Variants in MDN1 observed in about 807,000 individuals in gnomAD.
MDN1 encodes the protein midasin AAA ATPase 1, also known as midasin.
MDN1 carries 266 observed loss-of-function variants against 669.2 expected under a neutral mutation model. The ratio of observed to expected loss-of-function variants is 0.40; its 90% CI spans 0.36 to 0.44. The LOEUF is 0.44. Ranked by LOEUF, MDN1 falls within the 20% of genes least tolerant of loss-of-function variation. The pLI is 1.00. For missense variants in MDN1, 5,940 were observed against 6,754.0 expected, an observed-to-expected ratio of 0.88 and a Z score of 4.22; for synonymous variants, 2,385 against 2,457.1, an observed-to-expected ratio of 0.97 and a Z score of 0.87.
At position 89,743,578 on chromosome 6, in the gene MDN1, T is replaced by C. The variant is rs1816408396; in HGVS notation, c.4315A>G (p.Lys1439Glu). 1 of 1,613,526 alleles carries C rather than the reference T, an allele frequency of 6.2e-7. No individual in the cohort carries two copies. Among genetic ancestry groups the C allele is most frequent in the Non-Finnish European group, 8.5e-7 (1 of 1,179,766 alleles). Residue 1439 changes from lysine (K) to glutamate (E), a missense_variant and splice_region_variant, in exon 30 of 102, where the codon AAG (lysine) becomes GAG (glutamate). Lys to Glu is a moderately conservative substitution (Grantham distance 56). Coordinates refer to ENST00000369393, the MANE Select transcript of MDN1 (RefSeq NM_014611.3). ...LRPVRQKPND[K>E]EEIDTSRLFE... ...GGAACACTTGCTGCTGGACAAACCT[T>C]GTCGTTTGGCTTTTGTCTCACTGGC...
chr6:89,718,233 G>T, intron 43 of MDN1, 133 bp downstream of exon 43: 1 of 1,044,190 alleles, frequency 9.6e-7, no homozygotes, highest in Non-Finnish European at 1.4e-6. Flanking sequence ...TACTTTCTAG[G>T]TCAAACTTTC....
intron 61 of MDN1, among the ~76,000 whole-genome samples, chr6:89,694,431 C>G (rs1325398373): frequency 6.6e-6 from 1 of 152,242 alleles, no homozygotes; most frequent in African/African-American, 2.4e-5. Flanking sequence ...TTCACTCCAA[C>G]TAATATAATT....
rs934215839 is a variant in MDN1 at position 89,753,541 on chromosome 6, G to A, written c.3046C>T (p.Pro1016Ser). 34 of 1,612,422 alleles carry A rather than the reference G, an allele frequency of 2.1e-5. No individual in the cohort carries two copies. The highest frequency in any genetic ancestry group is 2.6e-5 in the Non-Finnish European group (31 of 1,178,658). Residue 1016 changes from proline to serine, a missense_variant, in exon 22 of 102, where the codon CCT (proline) becomes TCT (serine). Around this residue, in one of 5 missense-constraint regions of MDN1, gnomAD observed 1,203 missense variants for 1,268.9 expected, o/e 0.95. Transcript: ENST00000369393. Reference sequence around the variant, plus strand: ...TTCAGCAGACTCTTGACATTGCCAGGGACAATGTGTTGACAGATGAGCTTC... The same window carrying A: ...TTCAGCAGACTCTTGACATTGCCAGAGACAATGTGTTGACAGATGAGCTTC... ...VQKLICQHIV[P>S]GNVKSLLKQP...
chr6:89,654,118 T>G (rs757182387), intron 93 of MDN1, 46 bp downstream of exon 93: 10 of 1,605,320 alleles, frequency 6.2e-6, no homozygotes, highest in Non-Finnish European at 7.7e-6. Context: ...ACTGACTACT[T>G]CAAGTCAGAG....
intron 51 of MDN1, among the ~76,000 whole-genome samples, chr6:89,707,678 G>C (rs1447943369): frequency 6.6e-6 from 1 of 152,184 alleles, no homozygotes; most frequent in Non-Finnish European, 1.5e-5. Context: ...GATGGAGAAA[G>C]CTGGGTCTAG....
intron 77 of MDN1, 130 bp from the exon 78 acceptor site, chr6:89,675,709 T>G (rs2128304986): frequency 1.4e-6 from 1 of 691,258 alleles, no homozygotes; most frequent in South Asian, 1.9e-5. Flanking sequence ...TTCATTTTTT[T>G]GAGCAGTGTT....
In MDN1 at chr6:89,793,775, G is replaced by C; in HGVS notation, c.842C>G (p.Ala281Gly). The change falls in exon 5 of 102, where the codon GCC becomes GGC. Residue 281 changes from alanine to glycine, a missense_variant. Around this residue, in one of 5 missense-constraint regions of MDN1, gnomAD observed 1,203 missense variants for 1,268.9 expected, o/e 0.95. Transcript: ENST00000369393. ...ATACCAACATACCAGCTCTCCAGGGGCTGGCAGCTGCCCAGGCAGCACCAC... is the reference window on the plus strand; with the variant it reads ...ATACCAACATACCAGCTCTCCAGGGCCTGGCAGCTGCCCAGGCAGCACCAC... Reference protein sequence around the residue: ...CGVVLPGQLPAPGELGGNRSS... With the variant: ...CGVVLPGQLPGPGELGGNRSS... 6.2e-7 allele frequency: 1 copy of C among 1,613,666 alleles called. No individual in the cohort carries two copies. The highest frequency in any genetic ancestry group is 2.2e-5 in the East Asian group (1 of 44,882).
At position 89,819,723 on chromosome 6, in the gene MDN1, G is replaced by A; in HGVS notation, c.-116C>T. 2.5e-6 allele frequency: 2 copies of A among 793,576 alleles called. No individual in the cohort carries two copies. The highest frequency in any genetic ancestry group is 1.5e-5 in the South Asian group (1 of 66,984). The allele number at this position is 793,576 out of a possible 1,614,324, so 49.2% of individuals were successfully genotyped here. The stretch of plus-strand genomic sequence containing the variant: ...CAGCAACTACGCCCGCAGGAAAGGC[G>A]TCCTCAGCTCCAGCGCCTACACCGG... On this transcript the variant is annotated 5_prime_UTR_variant, in exon 1 of 102. In the 5' UTR this introduces an upstream ATG that the reference lacks. Coordinates refer to ENST00000369393, the MANE Select transcript of MDN1 (RefSeq NM_014611.3).
chr6:89,730,529 T>A (rs1815520238), intron 35 of MDN1, among the ~76,000 whole-genome samples, 197 bp downstream of exon 35: 1 of 152,224 alleles, frequency 6.6e-6, no homozygotes, highest in Admixed American at 6.5e-5. Context: ...GATTGAAGTC[T>A]CTATTTCCCT....
chr6:89,670,349 AT>A (rs1562062709), intron 83 of MDN1, among the ~76,000 whole-genome samples: 1 of 150,172 alleles, frequency 6.7e-6, no homozygotes, highest in South Asian at 2.1e-4. Flanking sequence ...TAATTTTTGT[AT>A]TTTTAGTAGA....
Position 89,781,695 on chromosome 6 carries a change from T to C in MDN1, c.1450-103A>G, listed in dbSNP as rs577520474. The C allele has an allele frequency of 1.8e-3, 1,931 of 1,054,408 alleles. 6 individuals are homozygous for C. The highest frequency in any genetic ancestry group is 2.4e-3 in the Non-Finnish European group (1,782 of 737,074). 65.3% of individuals were successfully genotyped at this position (1,054,408 alleles called of 1,614,324 possible). ...TGGTCAGCCAAAAATTGTATTTCTC[T>C]ATGAAATTTGTTCACTGGGGGACGG... On this transcript the variant is annotated intron_variant, in intron 9 of 101. Transcript: ENST00000369393.
chr6:89,676,025 C>G, intron 77 of MDN1, 77 bp downstream of exon 77: 1 of 1,326,310 alleles, frequency 7.5e-7, no homozygotes, highest in Non-Finnish European at 1.1e-6. Context: ...TTAACAAGGT[C>G]TGAGAATACA....
rs1562101872 is a variant in MDN1 at position 89,695,584 on chromosome 6, C to G, written c.9771+21G>C. On this transcript the variant is annotated intron_variant, in intron 61 of 101. Transcript: ENST00000369393. The surrounding 1 kb of genome is among the most constrained non-coding windows in gnomAD (Gnocchi z 4.1). ...GCACGTCAGGGAAGGAGCCCATGCT[C>G]CATACTCTTGCCTCCCATACCTCTT... 6.4e-7 allele frequency: 1 copy of G among 1,565,878 alleles called. No individual in the cohort carries two copies. The highest frequency in any genetic ancestry group is 1.7e-4 in the Middle Eastern group (1 of 5,844).
intron 61 of MDN1, among the ~76,000 whole-genome samples, chr6:89,694,621 G>A (rs374669347): frequency 5.3e-5 from 8 of 152,100 alleles, no homozygotes; most frequent in Non-Finnish European, 7.4e-5. Flanking sequence ...ATGGCTCACC[G>A]CAGGCTTGAC....
chr6:89,730,845 T>C lies in MDN1; in HGVS notation c.5021A>G (p.Lys1674Arg). Residue 1674 changes from lysine to arginine, a missense_variant, in exon 35 of 102, where the codon AAG becomes AGG. Physicochemically the swap from Lys to Arg is conservative, Grantham distance 26 (BLOSUM62 2). Around this residue, in one of 5 missense-constraint regions of MDN1, gnomAD observed 2,292 missense variants for 2,638.3 expected, o/e 0.87. Transcript: ENST00000369393. Reference sequence around the variant, plus strand: ...CTGATATTCTGTAAGTCGTACTATCTTGGCAAGCCTCTTGATTAGAAATTT... The same window carrying C: ...CTGATATTCTGTAAGTCGTACTATCCTGGCAAGCCTCTTGATTAGAAATTT... ...CLKFLIKRLA[K>R]IVRLTEYQKN... is the part of the protein sequence containing the mutation. 2.5e-6 allele frequency: 4 copies of C among 1,614,096 alleles called. No homozygotes were observed. Among genetic ancestry groups the C allele is most frequent in the Non-Finnish European group, 3.4e-6 (4 of 1,179,980 alleles).
At chr6:89,786,271 T>C (rs1298084397) in intron 8 of MDN1, among the ~76,000 whole-genome samples, 2 of 151,360 alleles carry the variant, frequency 1.3e-5, no homozygotes, top group Non-Finnish European at 2.9e-5. Flanking sequence ...AAAAATTAAT[T>C]AAATAAAATA....
At chr6:89,807,596 T>C (rs1275250936) in intron 1 of MDN1, among the ~76,000 whole-genome samples, 1 of 152,220 alleles carries the variant, frequency 6.6e-6, no homozygotes, top group Non-Finnish European at 1.5e-5. Context: ...TTATGAGTTT[T>C]TGGGATCTGT....
At chr6:89,766,410 A>C (rs1304500560) in intron 15 of MDN1, among the ~76,000 whole-genome samples, 1 of 152,262 alleles carries the variant, frequency 6.6e-6, no homozygotes, top group Non-Finnish European at 1.5e-5. Context: ...TACATTTCAA[A>C]AAAGAATAAA....
At chr6:89,708,113 G>A (rs1477796467) in intron 51 of MDN1, among the ~76,000 whole-genome samples, 1 of 152,010 alleles carries the variant, frequency 6.6e-6, no homozygotes, top group African/African-American at 2.4e-5. Context: ...ACCAGTCTGG[G>A]CAACATGGCA....
Sources: gnomAD v4.1 joint callset for allele counts (sites outside exome capture counted in the v4.1 genomes callset) on GRCh38, gnomAD v4.1.1 for gene constraint, gnomAD v4.1.1 regional missense constraint, Gnocchi (gnomAD v3.1) non-coding constraint, MANE v1.5 for transcripts, NCBI Gene and HGNC (gene_info 2026-07-23, HGNC 2026-07-21) for gene names.